Variants in UBE3C observed in about 807,000 individuals in gnomAD.
The protein encoded by UBE3C is ubiquitin-protein ligase E3C.
A neutral mutation model predicts 129.4 loss-of-function variants in UBE3C; 42 were observed. The observed-to-expected ratio is 0.32, with a 90% CI of 0.25 to 0.42. The LOEUF (loss-of-function observed/expected upper bound fraction) is 0.42. UBE3C is among the 10% of genes least tolerant of loss of function. The pLI, the probability that UBE3C is intolerant of heterozygous loss-of-function variation, is 1.00. For missense variants in UBE3C, 1,049 were observed against 1,319.1 expected (o/e 0.80, Z 3.17); for synonymous variants, 510 against 492.4 (o/e 1.04, Z -0.47).
chr7:157,155,151 T>A lies in UBE3C; in HGVS notation c.67-8659T>A, dbSNP rs563564575. Among the ~76,000 whole-genome samples, 11 of 152,286 alleles carry A rather than the reference T, an allele frequency of 7.2e-5. No individual in the cohort carries two copies. The East Asian group carries it at 2.1e-3, about 29-fold the overall frequency. The stretch of plus-strand genomic sequence containing the variant: ...TCTCATATTTTCATAGAGATTCTTA[T>A]TTCATGTAGGTCTGCAAAAAAGAAT... On this transcript the variant is annotated intron_variant, in intron 1 of 22. Transcript: ENST00000348165.
chr7:157,266,696 G>A (rs1357436406), intron 22 of UBE3C, among the ~76,000 whole-genome samples: 1 of 152,164 alleles, frequency 6.6e-6, no homozygotes, highest in African/African-American at 2.4e-5. Context: ...GTTAACCCGA[G>A]TAATAGCTTG....
chr7:157,233,781 C>T (rs187787113), intron 18 of UBE3C, among the ~76,000 whole-genome samples: 2 of 152,330 alleles, frequency 1.3e-5, no homozygotes, highest in East Asian at 3.9e-4. Context: ...CAGTACTCCA[C>T]GTCAAAGTGT....
intron 1 of UBE3C, among the ~76,000 whole-genome samples, chr7:157,157,275 G>A (rs542506146): frequency 6.6e-6 from 1 of 152,240 alleles, no homozygotes; most frequent in East Asian, 1.9e-4. Flanking sequence ...ATTCTTAAGC[G>A]AGAAATTTGA....
intron 20 of UBE3C, 23 bp from the exon 21 acceptor site, chr7:157,254,221 A>G (rs748266956): frequency 9.9e-6 from 16 of 1,610,864 alleles, no homozygotes; most frequent in African/African-American, 2.7e-5. Context: ...CTCAAATGTT[A>G]TTATTTGAAC....
intron 19 of UBE3C, among the ~76,000 whole-genome samples, chr7:157,251,712 G>C (rs1300043843): frequency 6.6e-6 from 1 of 152,220 alleles, no homozygotes; most frequent in African/African-American, 2.4e-5. Context: ...TTTGTATTTA[G>C]AGGAAATTTT....
intron 22 of UBE3C, among the ~76,000 whole-genome samples, chr7:157,265,096 A>G (rs1039317520): frequency 5.3e-5 from 8 of 152,168 alleles, no homozygotes; most frequent in African/African-American, 1.9e-4. Context: ...TGCATAAATT[A>G]TCATGTGCAT....
intron 22 of UBE3C, among the ~76,000 whole-genome samples, chr7:157,261,124 G>A (rs1321488141): frequency 6.6e-6 from 1 of 151,468 alleles, no homozygotes; most frequent in Non-Finnish European, 1.5e-5. Flanking sequence ...CCAACATGAT[G>A]AAACCCCGCC....
chr7:157,187,758 A>G (rs911001784), intron 10 of UBE3C, among the ~76,000 whole-genome samples: 1 of 151,738 alleles, frequency 6.6e-6, no homozygotes, highest in African/African-American at 2.4e-5. Flanking sequence ...TTGTATTTTT[A>G]GTAAAGACGG....
At chr7:157,240,396 A>G (rs1293485060) in intron 18 of UBE3C, among the ~76,000 whole-genome samples, 1 of 152,162 alleles carries the variant, frequency 6.6e-6, no homozygotes. Context: ...TGTGACTCTG[A>G]TGCATGCTGA....
At chr7:157,167,134 T>G (rs2116874587) in intron 2 of UBE3C, among the ~76,000 whole-genome samples, 1 of 152,274 alleles carries the variant, frequency 6.6e-6, no homozygotes, top group Non-Finnish European at 1.5e-5. Context: ...TTTCACCATG[T>G]TGGCCAGGCT....
At chr7:157,139,443 TGGGGCTGGATTCGGGGCCTCCCTGGCGG>T in intron 1 of UBE3C, 105 bp downstream of exon 1, 23 of 361,890 alleles carry the variant, frequency 6.4e-5, no homozygotes, top group Non-Finnish European at 9.3e-5. Flanking sequence ...GGCCGAGACT[TGGGGCTGGATTCGGGGCCTCCCTGGCGG>T]GGACTCGGGG....
At chr7:157,145,378 CGTG>C in intron 1 of UBE3C, among the ~76,000 whole-genome samples, 1 of 152,136 alleles carries the variant, frequency 6.6e-6, no homozygotes, top group Non-Finnish European at 1.5e-5. Context: ...ATTAGCCAGG[CGTG>C]GTGACAGGTG....
intron 1 of UBE3C, among the ~76,000 whole-genome samples, chr7:157,143,052 A>G (rs1475602617): frequency 6.6e-6 from 1 of 151,898 alleles, no homozygotes; most frequent in Non-Finnish European, 1.5e-5. Context: ...TTTTTAGTAG[A>G]GATGGGGTTT....
chr7:157,198,812 G>A (rs1809198119), intron 10 of UBE3C, among the ~76,000 whole-genome samples: 1 of 152,186 alleles, frequency 6.6e-6, no homozygotes, highest in African/African-American at 2.4e-5. Flanking sequence ...AGGATTACAG[G>A]CGTGAGCACC....
intron 22 of UBE3C, among the ~76,000 whole-genome samples, chr7:157,260,263 G>A (rs553425038): frequency 4.0e-4 from 61 of 152,154 alleles, no homozygotes; most frequent in South Asian, 1.2e-3. Flanking sequence ...CAGTGAGTGC[G>A]GAGAAACTGA....
chr7:157,204,600 A>G (rs1434409043), intron 11 of UBE3C, among the ~76,000 whole-genome samples: 2 of 152,120 alleles, frequency 1.3e-5, no homozygotes, highest in Non-Finnish European at 2.9e-5. Flanking sequence ...ATTTTGACAC[A>G]TCAGACATTT....
At chr7:157,246,004 A>C (rs1231675099) in intron 18 of UBE3C, among the ~76,000 whole-genome samples, 1 of 151,768 alleles carries the variant, frequency 6.6e-6, no homozygotes, top group African/African-American at 2.4e-5. Flanking sequence ...AAAAAAAAAA[A>C]AAAAAAAAAA....
chr7:157,169,107 A>G lies in UBE3C; in HGVS notation c.180A>G (p.Arg60=). The stretch of plus-strand genomic sequence containing the variant: ...TCCAGTCATTTATTCGAGGCTATAG[A>G]GACAGAAAACAGCAAGTAAGTTTGT... ...IIIQSFIRGY[R]DRKQQYSIQR... The change falls in exon 3 of 23, where the codon AGA becomes AGG. Residue 60 remains arginine, a synonymous_variant. Transcript: ENST00000348165. The G allele has an allele frequency of 6.2e-7, 1 of 1,613,594 alleles. No individual in the cohort carries two copies. The highest frequency in any genetic ancestry group is 8.5e-7 in the Non-Finnish European group (1 of 1,179,808).
At chr7:157,167,599 G>A (rs546857143) in intron 2 of UBE3C, among the ~76,000 whole-genome samples, 8 of 151,516 alleles carry the variant, frequency 5.3e-5, no homozygotes, top group South Asian at 4.2e-4. Flanking sequence ...ATGCAGTGGC[G>A]CGATCTCGGC....
Sources: allele counts gnomAD v4.1 joint callset (sites outside exome capture counted in the v4.1 genomes callset), GRCh38; gene constraint gnomAD v4.1.1; transcripts MANE v1.5; gene names NCBI Gene and HGNC (gene_info 2026-07-23, HGNC 2026-07-21).